The following OR5K1 variants were observed in gnomAD, a reference collection of about 807,000 sequenced individuals.
OR5K1 encodes the protein olfactory receptor 5K1.
Under a neutral mutation model 10.4 loss-of-function variants are expected in OR5K1, and 7 were observed. That is an observed-to-expected ratio of 0.67 (90% confidence interval 0.38 to 1.26). The LOEUF (loss-of-function observed/expected upper bound fraction) is 1.26, where lower values mean the gene tolerates loss of function less well. Among genes scored for constraint, OR5K1 ranks in the 50% most tolerant of loss-of-function variants. The pLI is 0.02. For synonymous variants in OR5K1, 135 were observed against 128.5 expected (o/e 1.05, Z -0.34); for missense variants, 435 against 366.2 (o/e 1.19, Z -1.53).
chr3:98,471,714 A>G lies in OR5K1; in HGVS notation c.*1211A>G, dbSNP rs1164795710. On this transcript the variant is annotated 3_prime_UTR_variant, in exon 2 of 2. Coordinates refer to ENST00000642057, the MANE Select transcript of OR5K1 (RefSeq NM_001004736.4). ...ACCTCTTGCTCTGAGGACCTGTCTA[A>G]ATTCCCAGAAAGCAATTGTCAAGTG... 6.6e-6 allele frequency: 1 copy of G among 152,000 alleles called. No homozygotes were observed. Among genetic ancestry groups the G allele is most frequent in the African/African-American group, 2.4e-5 (1 of 41,420 alleles). The allele number at this position is 152,000 out of a possible 1,614,324, so 9.4% of individuals were successfully genotyped here. A position where few individuals can be genotyped will look rare whatever the true frequency, so the allele number is the denominator to read the frequency against.
intron 1 of OR5K1, among the ~76,000 whole-genome samples, chr3:98,463,835 T>C (rs1051958097): frequency 5.3e-5 from 8 of 152,174 alleles, no homozygotes; most frequent in African/African-American, 1.9e-4. Flanking sequence ...ATCTGACCAA[T>C]GGACAACTGG....
Position 98,470,400 on chromosome 3 carries a change from C to T in OR5K1, c.824C>T (p.Ala275Val). 6.2e-7 allele frequency: 1 copy of T among 1,609,672 alleles called. No homozygotes were observed. The highest frequency in any genetic ancestry group is 8.5e-7 in the Non-Finnish European group (1 of 1,176,418). ...GAAGGGGATAAAGATATACCAGCTG[C>T]AATTTTATTTACAATAGTAGTTCCC... ...LEEGDKDIPA[A>V]ILFTIVVPLL... Residue 275 changes from alanine (A) to valine (V), a missense_variant, in exon 2 of 2, where the codon GCA becomes GTA. By Grantham distance (64) the Ala-to-Val change is moderately conservative. Transcript: ENST00000642057.
rs1576236587 is a variant in OR5K1, at chr3:98,465,949, C to A, written c.-12+2642C>A. On this transcript the variant is annotated intron_variant, in intron 1 of 1. Coordinates refer to ENST00000642057, the MANE Select transcript of OR5K1 (RefSeq NM_001004736.4). The stretch of plus-strand genomic sequence containing the variant: ...TTTTAGGGTACATGTGCACATTGTG[C>A]AGGTTAGTTACATATGTATACATGT... Among the ~76,000 whole-genome samples, 4 of 150,914 alleles carry A rather than the reference C, an allele frequency of 2.7e-5. No homozygotes were observed. The East Asian group carries it at 7.8e-4, about 29-fold the overall frequency.
rs1487147718 is a variant in OR5K1 at position 98,471,720 on chromosome 3, C to T, written c.*1217C>T. The stretch of plus-strand genomic sequence containing the variant: ...TGCTCTGAGGACCTGTCTAAATTCC[C>T]AGAAAGCAATTGTCAAGTGCTCCAG... On this transcript the variant is annotated 3_prime_UTR_variant, in exon 2 of 2. Coordinates refer to ENST00000642057, the MANE Select transcript of OR5K1 (RefSeq NM_001004736.4). 6.6e-6 allele frequency: 1 copy of T among 151,936 alleles called. No homozygotes were observed. Among genetic ancestry groups the T allele is most frequent in the Non-Finnish European group, 1.5e-5 (1 of 67,928 alleles). The allele number at this position is 151,936 out of a possible 1,614,324, so 9.4% of individuals were successfully genotyped here.
chr3:98,470,339 C>T lies in OR5K1; in HGVS notation c.763C>T (p.Leu255Phe), dbSNP rs1032366530. 6 of 1,613,134 alleles carry T rather than the reference C, an allele frequency of 3.7e-6. No homozygotes were observed. The African/African-American group carries it at 6.7e-5, about 18-fold the overall frequency. ...FLSVSLFYGS[L>F]FFMYVRPNLL... ...GTCAGTTTCATTATTCTATGGATCT[C>T]TTTTCTTCATGTACGTTAGACCAAA... Residue 255 changes from leucine to phenylalanine, a missense_variant, in exon 2 of 2, where the codon CTT (leucine) becomes TTT (phenylalanine). By Grantham distance (22) the Leu-to-Phe change is conservative. Coordinates refer to ENST00000642057, the MANE Select transcript of OR5K1 (RefSeq NM_001004736.4).
rs188538173 is a variant in OR5K1 at position 98,469,819 on chromosome 3, G to A, written c.243G>A (p.Met81Ile). The change falls in exon 2 of 2, where the codon ATG (methionine) becomes ATA (isoleucine). Residue 81 changes from methionine to isoleucine, a missense_variant. Met to Ile is a conservative substitution (Grantham distance 10, BLOSUM62 1). Transcript: ENST00000642057. ...SCCACAITPK[M>I]LENFFSENKR... is the part of the protein sequence containing the mutation. ...GTGCCTGTGCTATTACCCCCAAAAT[G>A]TTAGAGAACTTCTTTTCTGAGAACA... 7 of 1,613,630 alleles carry A rather than the reference G, an allele frequency of 4.3e-6. No individual in the cohort carries two copies. The highest frequency in any genetic ancestry group is 1.7e-5 in the Admixed American group (1 of 59,898).
In OR5K1 at chr3:98,469,882, T is replaced by C; in HGVS notation, c.306T>C (p.Tyr102=). 6.2e-7 allele frequency: 1 copy of C among 1,613,768 alleles called. No homozygotes were observed. Among genetic ancestry groups the C allele is most frequent in the South Asian group, 1.1e-5 (1 of 91,086 alleles). The part of the protein sequence containing the change: ...ISLYECAVQF[Y]FLCTVETADC... ...TCTATGAATGTGCAGTACAGTTTTA[T>C]TTTCTTTGCACTGTGGAAACTGCAG... The change falls in exon 2 of 2, where the codon TAT becomes TAC. Residue 102 remains tyrosine (Y), a synonymous_variant. Transcript: ENST00000642057.
rs1018440140 is a variant in OR5K1 at position 98,469,558 on chromosome 3, T to G, written c.-11-8T>G. 1 of 1,594,794 alleles carries G rather than the reference T, an allele frequency of 6.3e-7. No homozygotes were observed. The highest frequency in any genetic ancestry group is 1.8e-5 in the Admixed American group (1 of 57,140). Reference sequence around the variant, plus strand: ...TTAGTGCCTTCTTTCTCCACAATTTTTTTTCAGACAAGTCAGGAATGGCTG... The same window carrying G: ...TTAGTGCCTTCTTTCTCCACAATTTGTTTTCAGACAAGTCAGGAATGGCTG... On this transcript the variant is annotated splice_region_variant and splice_polypyrimidine_tract_variant and intron_variant, in intron 1 of 1. Transcript: ENST00000642057.
chr3:98,468,772 T>C (rs1053865660), intron 1 of OR5K1, among the ~76,000 whole-genome samples: 10 of 152,136 alleles, frequency 6.6e-5, no homozygotes, highest in Admixed American at 6.6e-5. Flanking sequence ...AATGCTGCTA[T>C]TAACATTGGC....
chr3:98,470,528 A>G lies in OR5K1; in HGVS notation c.*25A>G. ...ATCTCAAGAAAGATGGAAACAAGTGACATCTACTATAGCTTAATGATTTAA... is the reference window on the plus strand; with the variant it reads ...ATCTCAAGAAAGATGGAAACAAGTGGCATCTACTATAGCTTAATGATTTAA... On this transcript the variant is annotated 3_prime_UTR_variant, in exon 2 of 2. Transcript: ENST00000642057. 2.2e-6 allele frequency: 3 copies of G among 1,344,612 alleles called. No individual in the cohort carries two copies. The highest frequency in any genetic ancestry group is 3.1e-6 in the Non-Finnish European group (3 of 954,150). 83.3% of individuals were successfully genotyped at this position (1,344,612 alleles called of 1,614,324 possible). A position where few individuals can be genotyped will look rare whatever the true frequency, so the allele number is the denominator to read the frequency against.
chr3:98,470,005 G>A lies in OR5K1; in HGVS notation c.429G>A (p.Gln143=). Residue 143 remains glutamine (Q), a synonymous_variant, in exon 2 of 2, where the codon CAG becomes CAA. Coordinates refer to ENST00000642057, the MANE Select transcript of OR5K1 (RefSeq NM_001004736.4). ...TGATGTCCAAGAAACTCTGCATTCA[G>A]ATGACCACAGGGGCCTTCATAGCTG... ...HIMMSKKLCI[Q]MTTGAFIAGN... 6.2e-7 allele frequency: 1 copy of A among 1,613,662 alleles called. No individual in the cohort carries two copies. The highest frequency in any genetic ancestry group is 1.1e-5 in the South Asian group (1 of 91,078).
At position 98,472,017 on chromosome 3, in the gene OR5K1, G is replaced by A. The variant is rs1174568908; in HGVS notation, c.*1514G>A. 6.6e-6 allele frequency: 1 copy of A among 151,934 alleles called. No individual in the cohort carries two copies. Among genetic ancestry groups the A allele is most frequent in the East Asian group, 1.9e-4 (1 of 5,166 alleles). The allele number at this position is 151,934 out of a possible 1,614,324, so 9.4% of individuals were successfully genotyped here. On this transcript the variant is annotated 3_prime_UTR_variant, in exon 2 of 2. Transcript: ENST00000642057. The stretch of plus-strand genomic sequence containing the variant: ...CTACATCCTTCCTTCATCACATATA[G>A]GTCCTTGCCTGGTATCATGGCACTG...
Position 98,472,203 on chromosome 3 carries a change from T to G in OR5K1, c.*1700T>G, listed in dbSNP as rs1029187929. The G allele has an allele frequency of 6.6e-6, 1 of 150,962 alleles. No homozygotes were observed. The highest frequency in any genetic ancestry group is 2.4e-5 in the African/African-American group (1 of 40,902). The allele number at this position is 150,962 out of a possible 1,614,324, so 9.4% of individuals were successfully genotyped here. On this transcript the variant is annotated 3_prime_UTR_variant, in exon 2 of 2. Coordinates refer to ENST00000642057, the MANE Select transcript of OR5K1 (RefSeq NM_001004736.4). ...TGCATTGATTTTCAGCTAAAATGTC[T>G]ATTTATCCAACCCACAAGGCTTTGG... is the stretch of plus-strand genomic sequence containing the variant.
At position 98,472,886 on chromosome 3, in the gene OR5K1, T is replaced by TA. The variant is rs1460041986; in HGVS notation, c.*2387dup. The TA allele has an allele frequency of 6.6e-6, 1 of 151,934 alleles. No homozygotes were observed. The highest frequency in any genetic ancestry group is 2.4e-5 in the African/African-American group (1 of 41,402). The allele number at this position is 151,934 out of a possible 1,614,324, so 9.4% of individuals were successfully genotyped here. On this transcript the variant is annotated 3_prime_UTR_variant, in exon 2 of 2. Transcript: ENST00000642057. ...AAATATCTGATAAAATGAATATTTT[T>TA]AAAATCTCGACTCATTTTATGGTAT...
At chr3:98,465,397 T>C (rs1028522972) in intron 1 of OR5K1, among the ~76,000 whole-genome samples, 1 of 152,170 alleles carries the variant, frequency 6.6e-6, no homozygotes, top group African/African-American at 2.4e-5. Flanking sequence ...CACTTTTAGA[T>C]GTTTTGAATT....
rs1460355031 is a variant in OR5K1 at position 98,472,284 on chromosome 3, T to C, written c.*1781T>C. On this transcript the variant is annotated 3_prime_UTR_variant, in exon 2 of 2. Coordinates refer to ENST00000642057, the MANE Select transcript of OR5K1 (RefSeq NM_001004736.4). The stretch of plus-strand genomic sequence containing the variant: ...TCTGCTAATTTCTGAGTAAATTCTC[T>C]TGACCTCTTCCCAGTGGGTCCAGGA... 1 of 151,984 alleles carries C rather than the reference T, an allele frequency of 6.6e-6. No individual in the cohort carries two copies. Among genetic ancestry groups the C allele is most frequent in the African/African-American group, 2.4e-5 (1 of 41,426 alleles). 9.4% of individuals were successfully genotyped at this position (151,984 alleles called of 1,614,324 possible). A position where few individuals can be genotyped will look rare whatever the true frequency, so the allele number is the denominator to read the frequency against.
Position 98,472,209 on chromosome 3 carries a change from T to C in OR5K1, c.*1706T>C, listed in dbSNP as rs1705456082. The stretch of plus-strand genomic sequence containing the variant: ...GATTTTCAGCTAAAATGTCTATTTA[T>C]CCAACCCACAAGGCTTTGGGTTGGC... On this transcript the variant is annotated 3_prime_UTR_variant, in exon 2 of 2. Coordinates refer to ENST00000642057, the MANE Select transcript of OR5K1 (RefSeq NM_001004736.4). The C allele has an allele frequency of 6.7e-6, 1 of 149,554 alleles. No individual in the cohort carries two copies. Among genetic ancestry groups the C allele is most frequent in the Non-Finnish European group, 1.5e-5 (1 of 67,640 alleles). 9.3% of individuals were successfully genotyped at this position (149,554 alleles called of 1,614,324 possible).
At position 98,469,741 on chromosome 3, in the gene OR5K1, T is replaced by G; in HGVS notation, c.165T>G (p.Leu55=). 6.2e-7 allele frequency: 1 copy of G among 1,613,866 alleles called. No homozygotes were observed. Among genetic ancestry groups the G allele is most frequent in the South Asian group, 1.1e-5 (1 of 91,082 alleles). Residue 55 remains leucine, a synonymous_variant, in exon 2 of 2, where the codon CTT becomes CTG. Coordinates refer to ENST00000642057, the MANE Select transcript of OR5K1 (RefSeq NM_001004736.4). ...LVALIFTHRR[L]HTPMYIFLGN... ...CACTGATATTTACACACCGTCGGCT[T>G]CACACACCAATGTACATCTTTCTGG...
rs1463715749 is a variant in OR5K1 at position 98,471,471 on chromosome 3, T to A, written c.*968T>A. ...TGTGGGTAGAGTAATGATCTTAATGTGATATCATTTTAAAAATTACTTTCC... is the reference window on the plus strand; with the variant it reads ...TGTGGGTAGAGTAATGATCTTAATGAGATATCATTTTAAAAATTACTTTCC... On this transcript the variant is annotated 3_prime_UTR_variant, in exon 2 of 2. Transcript: ENST00000642057. 1 of 152,054 alleles carries A rather than the reference T, an allele frequency of 6.6e-6. No individual in the cohort carries two copies. The highest frequency in any genetic ancestry group is 1.5e-5 in the Non-Finnish European group (1 of 67,978). 9.4% of individuals were successfully genotyped at this position (152,054 alleles called of 1,614,324 possible).
Sources: allele counts gnomAD v4.1 joint callset (sites outside exome capture counted in the v4.1 genomes callset), GRCh38; gene constraint gnomAD v4.1.1; transcripts MANE v1.5; gene names NCBI Gene and HGNC (gene_info 2026-07-23, HGNC 2026-07-21).